Variants in HHAT observed in about 807,000 individuals in gnomAD.
HHAT encodes hedgehog acyltransferase, also known as protein-cysteine N-palmitoyltransferase HHAT.
In HHAT, 47 loss-of-function variants were observed where a neutral mutation model predicts 70.8. That is an observed-to-expected ratio of 0.66 (90% CI 0.53 to 0.85). The LOEUF is 0.85. HHAT is among the 40% of genes least tolerant of loss of function. The pLI, the probability that HHAT is intolerant of heterozygous loss-of-function variation, is 0.00. For synonymous variants in HHAT, 228 were observed against 247.6 expected, an observed-to-expected ratio of 0.92 and a Z score of 0.74; for missense variants, 609 against 604.8, an observed-to-expected ratio of 1.01 and a Z score of -0.07.
At chr1:210,647,604 C>T (rs1180333329) in intron 11 of HHAT, among the ~76,000 whole-genome samples, 1 of 152,150 alleles carries the variant, frequency 6.6e-6, no homozygotes, top group Non-Finnish European at 1.5e-5. Flanking sequence ...TCCTTTTCTA[C>T]CCCCACCCCT....
chr1:210,659,840 C>G (rs1370796104), intron 11 of HHAT, among the ~76,000 whole-genome samples: 1 of 152,150 alleles, frequency 6.6e-6, no homozygotes, highest in African/African-American at 2.4e-5. Context: ...TCAATAGATG[C>G]AGAAAAGGCC....
intron 9 of HHAT, among the ~76,000 whole-genome samples, chr1:210,546,135 C>T (rs768814779): frequency 6.6e-6 from 1 of 152,188 alleles, no homozygotes; most frequent in Non-Finnish European, 1.5e-5. Context: ...TGTGCTTCAG[C>T]TGGTCAATTC....
chr1:210,562,510 T>C (rs2095632579), intron 9 of HHAT, among the ~76,000 whole-genome samples: 1 of 151,920 alleles, frequency 6.6e-6, no homozygotes, highest in Non-Finnish European at 1.5e-5. Flanking sequence ...TTCTTTGAGA[T>C]GTTTCTTTCT....
intron 7 of HHAT, among the ~76,000 whole-genome samples, chr1:210,425,269 T>C (rs2093027664): frequency 6.6e-6 from 1 of 152,230 alleles, no homozygotes; most frequent in African/African-American, 2.4e-5. Flanking sequence ...ATGCATAGTT[T>C]GCAAAAATTT....
At chr1:210,464,698 G>A (rs1218920272) in intron 8 of HHAT, 43 bp downstream of exon 8, 1 of 1,609,892 alleles carries the variant, frequency 6.2e-7, no homozygotes. Context: ...CATGTCCAGT[G>A]GGAGGAGCAT....
chr1:210,440,827 C>T lies in HHAT; in HGVS notation c.856+22502C>T, dbSNP rs78410256. ...GCCAAATCTAGGTTCCCTAGTTTTT[C>T]CTGAGTGTCTGATGCTGACGGGTAC... On this transcript the variant is annotated intron_variant, in intron 7 of 11. Transcript: ENST00000261458. Among the ~76,000 whole-genome samples the T allele has an allele frequency of 8.8e-3, 1,316 of 149,558 alleles. 18 individuals are homozygous for T. Among genetic ancestry groups the T allele is most frequent in the Middle Eastern group, 0.021 (6 of 292 alleles).
intron 1 of HHAT, among the ~76,000 whole-genome samples, chr1:210,335,658 TGCAGGGCA>T (rs2085418109): frequency 6.6e-6 from 1 of 152,228 alleles, no homozygotes; most frequent in Admixed American, 6.5e-5. Context: ...GAGGCAACAC[TGCAGGGCA>T]GTGGAGAGAA....
Position 210,674,511 on chromosome 1 carries a change from A to T in HHAT, c.*132A>T. 2 of 635,812 alleles carry T rather than the reference A, an allele frequency of 3.1e-6. No homozygotes were observed. Among genetic ancestry groups the T allele is most frequent in the Non-Finnish European group, 2.7e-6 (1 of 367,728 alleles). 39.4% of individuals were successfully genotyped at this position (635,812 alleles called of 1,614,324 possible). A position where few individuals can be genotyped will look rare whatever the true frequency, so the allele number is the denominator to read the frequency against. ...TTCAGTTGAATGCCCTCACTCCAAG[A>T]CTGGATGCTGGATCTCATAGAAAAT... On this transcript the variant is annotated 3_prime_UTR_variant, in exon 12 of 12. Transcript: ENST00000261458.
At chr1:210,378,171 C>G (rs2090371754) in intron 3 of HHAT, among the ~76,000 whole-genome samples, 1 of 152,156 alleles carries the variant, frequency 6.6e-6, no homozygotes, top group Non-Finnish European at 1.5e-5. Flanking sequence ...AAATTAGTCT[C>G]CTTTTGTGTT....
intron 10 of HHAT, among the ~76,000 whole-genome samples, chr1:210,591,716 G>A (rs10779539): frequency 0.98 from 148,493 of 152,250 alleles, 72,519 homozygotes; most frequent in East Asian, 1. Flanking sequence ...AGCTTTTTAG[G>A]TAAAAGCCAT....
At chr1:210,423,392 C>T (rs1172057871) in intron 7 of HHAT, among the ~76,000 whole-genome samples, 1 of 152,028 alleles carries the variant, frequency 6.6e-6, no homozygotes, top group Non-Finnish European at 1.5e-5. Flanking sequence ...GATCATTAGC[C>T]CATTTTTAAA....
At chr1:210,447,074 T>C (rs985309301) in intron 7 of HHAT, among the ~76,000 whole-genome samples, 1 of 152,244 alleles carries the variant, frequency 6.6e-6, no homozygotes, top group African/African-American at 2.4e-5. Context: ...GCAAGTATCC[T>C]CAATAGACTC....
At chr1:210,511,183 A>G (rs776738685) in intron 8 of HHAT, among the ~76,000 whole-genome samples, 1 of 152,218 alleles carries the variant, frequency 6.6e-6, no homozygotes. Context: ...ATCCAGGTCA[A>G]TGTAAAATCA....
At chr1:210,510,975 G>A (rs1373416197) in intron 8 of HHAT, among the ~76,000 whole-genome samples, 1 of 152,086 alleles carries the variant, frequency 6.6e-6, no homozygotes, top group African/African-American at 2.4e-5. Flanking sequence ...AGTGAAGGAA[G>A]CTGAAATCTT....
intron 11 of HHAT, among the ~76,000 whole-genome samples, chr1:210,656,614 C>T (rs1372815871): frequency 6.6e-6 from 1 of 152,214 alleles, no homozygotes; most frequent in Non-Finnish European, 1.5e-5. Flanking sequence ...TCTCCGCTCA[C>T]CGTCAGCAGA....
intron 7 of HHAT, among the ~76,000 whole-genome samples, chr1:210,435,805 T>G (rs1241524788): frequency 6.6e-6 from 1 of 151,894 alleles, no homozygotes; most frequent in African/African-American, 2.4e-5. Flanking sequence ...CATTTTTAAA[T>G]GGGATTCTTT....
At chr1:210,418,370 A>C (rs779824436) in intron 7 of HHAT, 45 bp downstream of exon 7, 25 of 1,520,850 alleles carry the variant, frequency 1.6e-5, no homozygotes, top group Non-Finnish European at 1.8e-5. Flanking sequence ...CCAATAGTCC[A>C]ACAGTTAGCA....
intron 1 of HHAT, among the ~76,000 whole-genome samples, chr1:210,333,065 C>T (rs931557154): frequency 2.6e-5 from 4 of 152,166 alleles, no homozygotes; most frequent in African/African-American, 9.6e-5. Context: ...AAATAAGTGT[C>T]GGATTCTGAC....
chr1:210,587,791 A>C, intron 9 of HHAT, 107 bp from the exon 10 acceptor site: 2 of 822,286 alleles, frequency 2.4e-6, no homozygotes, highest in Non-Finnish European at 4.0e-6. Flanking sequence ...GTGAGGAAGG[A>C]TCTGCATATG....
Sources: allele counts gnomAD v4.1 joint callset (sites outside exome capture counted in the v4.1 genomes callset), GRCh38; gene constraint gnomAD v4.1.1; transcripts MANE v1.5; gene names NCBI Gene and HGNC (gene_info 2026-07-23, HGNC 2026-07-21).